GRM5: variants seen among roughly 807,000 people sequenced by gnomAD.
GRM5 encodes glutamate metabotropic receptor 5.
In GRM5, 19 loss-of-function variants were observed where a neutral mutation model predicts 83.1. That is an observed-to-expected ratio of 0.23 (90% CI 0.16 to 0.34). The LOEUF (loss-of-function observed/expected upper bound fraction) is 0.34. Among genes scored for constraint, GRM5 ranks in the 10% least tolerant of loss-of-function variants. GRM5 has a pLI of 1.00. For synonymous variants in GRM5, 675 were observed against 633.6 expected (o/e 1.07, Z -0.98); for missense variants, 1,160 against 1,588.3 (o/e 0.73, Z 4.58).
At chr11:89,034,282 C>G (rs1484210379) in intron 2 of GRM5, among the ~76,000 whole-genome samples, 2 of 151,788 alleles carry the variant, frequency 1.3e-5, no homozygotes, top group African/African-American at 4.8e-5. Flanking sequence ...GAATCAGAGC[C>G]ATTCAATAGC....
chr11:88,929,299 CAAT>C (rs1168193140), intron 2 of GRM5, among the ~76,000 whole-genome samples: 2 of 151,390 alleles, frequency 1.3e-5, no homozygotes, highest in African/African-American at 2.4e-5. Context: ...TTAATAAGCC[CAAT>C]AATAAAAATA....
chr11:88,777,598 G>A lies in GRM5; in HGVS notation c.911+72308C>T, dbSNP rs1348236212. Reference sequence around the variant, plus strand: ...TATCTACCTTTGGTCTTTGATGTTGGTGACCTACAGATGGGGTTTGGTGTA... The same window carrying A: ...TATCTACCTTTGGTCTTTGATGTTGATGACCTACAGATGGGGTTTGGTGTA... On this transcript the variant is annotated intron_variant, in intron 3 of 9. Transcript: ENST00000305447. Among the ~76,000 whole-genome samples, 6 of 152,182 alleles carry A rather than the reference G, an allele frequency of 3.9e-5. No individual in the cohort carries two copies. The East Asian group carries it at 1.2e-3, about 29-fold the overall frequency.
intron 2 of GRM5, among the ~76,000 whole-genome samples, chr11:88,866,532 C>T (rs1239146613): frequency 6.6e-6 from 1 of 151,604 alleles, no homozygotes; most frequent in Non-Finnish European, 1.5e-5. Flanking sequence ...GCACATGTAT[C>T]CCAGAATTTA....
chr11:89,057,820 C>A (rs1194354628), intron 1 of GRM5, among the ~76,000 whole-genome samples: 1 of 152,106 alleles, frequency 6.6e-6, no homozygotes, highest in African/African-American at 2.4e-5. Flanking sequence ...ATGATCTCCA[C>A]TTACTTATTA....
chr11:88,993,684 T>A (rs550783398), intron 2 of GRM5, among the ~76,000 whole-genome samples: 126 of 152,266 alleles, frequency 8.3e-4, no homozygotes, highest in African/African-American at 2.9e-3. Flanking sequence ...TATAAATGAA[T>A]TCAGTAAATT....
chr11:88,641,389 T>C (rs117535087), intron 4 of GRM5, among the ~76,000 whole-genome samples: 3,270 of 151,810 alleles, frequency 0.022, 79 homozygotes, highest in Non-Finnish European at 0.033. Flanking sequence ...TACCAAAATA[T>C]ATTATGCTGC....
intron 1 of GRM5, among the ~76,000 whole-genome samples, chr11:89,060,258 G>T (rs1176509319): frequency 7.6e-6 from 1 of 131,070 alleles, no homozygotes; most frequent in Admixed American, 8.3e-5. Context: ...TTACATATAT[G>T]GTAAATGGTA....
At chr11:88,560,357 A>G in intron 8 of GRM5, among the ~76,000 whole-genome samples, 1 of 152,038 alleles carries the variant, frequency 6.6e-6, no homozygotes, top group East Asian at 1.9e-4. Flanking sequence ...GGCTCCTATC[A>G]TGGCACTGTA....
At chr11:88,784,115 C>A (rs2135466345) in intron 3 of GRM5, among the ~76,000 whole-genome samples, 1 of 152,130 alleles carries the variant, frequency 6.6e-6, no homozygotes, top group East Asian at 1.9e-4. Flanking sequence ...CTTCCATATT[C>A]TGTCCTCTAG....
intron 3 of GRM5, among the ~76,000 whole-genome samples, chr11:88,839,430 A>T (rs1490427313): frequency 6.6e-6 from 1 of 152,234 alleles, no homozygotes; most frequent in Non-Finnish European, 1.5e-5. Flanking sequence ...ATATTGACAT[A>T]AGATAATATT....
In GRM5 at chr11:88,597,379, G is replaced by C. The variant is rs1047255316; in HGVS notation, c.1395-27C>G. 5.6e-6 allele frequency: 7 copies of C among 1,243,434 alleles called. No individual in the cohort carries two copies. In the African/African-American group the frequency reaches 1.0e-4, roughly 19 times the overall value. 77.0% of individuals were successfully genotyped at this position (1,243,434 alleles called of 1,614,324 possible). ...TTAGGAATAAGAATATGATAATTAT[G>C]CAGCTTAAGATGTAAATACTCAGCT... On this transcript the variant is annotated intron_variant, in intron 5 of 9. Coordinates refer to ENST00000305447, the MANE Select transcript of GRM5 (RefSeq NM_001143831.3).
chr11:88,772,902 A>G (rs1178914683), intron 3 of GRM5, among the ~76,000 whole-genome samples: 2 of 152,190 alleles, frequency 1.3e-5, no homozygotes, highest in African/African-American at 2.4e-5. Flanking sequence ...TGGTGCCGCA[A>G]TAAACATATG....
intron 3 of GRM5, among the ~76,000 whole-genome samples, chr11:88,806,045 G>T (rs1943494470): frequency 1.3e-5 from 2 of 152,132 alleles, no homozygotes; most frequent in South Asian, 4.1e-4. Flanking sequence ...TCCCAATTCT[G>T]CATCTACTAG....
chr11:88,785,161 C>G (rs1275399051), intron 3 of GRM5, among the ~76,000 whole-genome samples: 1 of 152,058 alleles, frequency 6.6e-6, no homozygotes, highest in East Asian at 1.9e-4. Context: ...ATCTTTCTAT[C>G]TCAACTGAAA....
intron 2 of GRM5, among the ~76,000 whole-genome samples, chr11:88,952,309 G>T (rs891707464): frequency 1.3e-5 from 2 of 152,126 alleles, no homozygotes; most frequent in Admixed American, 6.5e-5. Flanking sequence ...TCTCTAATGT[G>T]CCCATATAGC....
chr11:88,909,852 T>A (rs71469223), intron 2 of GRM5, among the ~76,000 whole-genome samples: 2 of 152,032 alleles, frequency 1.3e-5, no homozygotes, highest in Non-Finnish European at 2.9e-5. Flanking sequence ...TGGGGACAAA[T>A]ACGATTTTTC....
At chr11:89,029,404 C>T (rs901029713) in intron 2 of GRM5, among the ~76,000 whole-genome samples, 1 of 152,150 alleles carries the variant, frequency 6.6e-6, no homozygotes, top group African/African-American at 2.4e-5. Context: ...CTCAACCATA[C>T]TTAGTGAGAA....
At chr11:88,997,834 T>G (rs533862952) in intron 2 of GRM5, among the ~76,000 whole-genome samples, 18 of 152,262 alleles carry the variant, frequency 1.2e-4, no homozygotes, top group African/African-American at 4.3e-4. Context: ...AAAAGTCATC[T>G]CCAGGCCAGG....
In GRM5 at chr11:88,590,581, G is replaced by T; in HGVS notation, c.1690+20C>A. The T allele has an allele frequency of 1.2e-6, 2 of 1,605,638 alleles. No homozygotes were observed. Among genetic ancestry groups the T allele is most frequent in the East Asian group, 4.5e-5 (2 of 44,704 alleles). On this transcript the variant is annotated intron_variant, in intron 7 of 9. Coordinates refer to ENST00000305447, the MANE Select transcript of GRM5 (RefSeq NM_001143831.3). ...CCATTTTTCAGTTAATTTATATGTG[G>T]TGAGATTGTGATAGATTACCTGTGA...
Sources: allele counts gnomAD v4.1 joint callset (sites outside exome capture counted in the v4.1 genomes callset), GRCh38; gene constraint gnomAD v4.1.1; transcripts MANE v1.5; gene names NCBI Gene and HGNC (gene_info 2026-07-23, HGNC 2026-07-21).